GUCY1A1: variants seen among roughly 807,000 people sequenced by gnomAD.
GUCY1A1 encodes the protein guanylate cyclase soluble subunit alpha-1.
In GUCY1A1, 48 loss-of-function variants were observed where a neutral mutation model predicts 64.5. The ratio of observed to expected loss-of-function variants is 0.74; its 90% CI spans 0.59 to 0.95. The LOEUF is 0.95. Among genes scored for constraint, GUCY1A1 ranks in the 40% least tolerant of loss-of-function variants. The probability of loss-of-function intolerance (pLI) is 0.00; values close to 1 mark genes in which losing one functional copy is unlikely to be tolerated. For synonymous variants in GUCY1A1, 308 were observed against 303.4 expected (o/e 1.02, Z -0.16); for missense variants, 804 against 825.3 (o/e 0.97, Z 0.32).
At chr4:155,682,455 T>A (rs914612233) in intron 2 of GUCY1A1, among the ~76,000 whole-genome samples, 2 of 152,068 alleles carry the variant, frequency 1.3e-5, no homozygotes, top group African/African-American at 4.8e-5. Context: ...GCGGGGCGGA[T>A]CACGAGGTTA....
rs1002263733 is a variant in GUCY1A1, at chr4:155,730,434, C to A, written c.*203C>A. ...AGCTCTTCAAGAAAAAAAAAAAAAA[C>A]CTTAAAAAGCTACTTTTGTGGGAGT... On this transcript the variant is annotated 3_prime_UTR_variant, in exon 10 of 10. Coordinates refer to ENST00000506455, the MANE Select transcript of GUCY1A1 (RefSeq NM_001130682.3). 10 of 425,552 alleles carry A rather than the reference C, an allele frequency of 2.3e-5. No individual in the cohort carries two copies. Among genetic ancestry groups the A allele is most frequent in the Non-Finnish European group, 3.8e-5 (9 of 238,880 alleles). 26.4% of individuals were successfully genotyped at this position (425,552 alleles called of 1,614,324 possible). A position where few individuals can be genotyped will look rare whatever the true frequency, so the allele number is the denominator to read the frequency against.
rs1237846246 is a variant in GUCY1A1, at chr4:155,735,119, C to T, written c.*4888C>T. ...CAGTAATCACTGTACATTTGATTGC[C>T]ATCTGTACTTCCCTTGAAGCAGCTT... On this transcript the variant is annotated 3_prime_UTR_variant, in exon 10 of 10. Coordinates refer to ENST00000506455, the MANE Select transcript of GUCY1A1 (RefSeq NM_001130682.3). The T allele has an allele frequency of 6.6e-6, 1 of 151,864 alleles. No homozygotes were observed. The highest frequency in any genetic ancestry group is 1.5e-5 in the Non-Finnish European group (1 of 67,934). The allele number at this position is 151,864 out of a possible 1,614,324, so 9.4% of individuals were successfully genotyped here.
rs1249958684 is a variant in GUCY1A1 at position 155,698,097 on chromosome 4, T to C, written c.255+975T>C. Among the ~76,000 whole-genome samples, 2 of 152,172 alleles carry C rather than the reference T, an allele frequency of 1.3e-5. 1 individual carries two copies. Among genetic ancestry groups the C allele is most frequent in the South Asian group, 4.1e-4 (2 of 4,830 alleles). ...ACTGAAAGGAATTTAACAGATAATC[T>C]TGTTTCACTCCCAGGAAGTGCTAGG... On this transcript the variant is annotated intron_variant, in intron 3 of 9. Transcript: ENST00000506455.
rs1318631928 is a variant in GUCY1A1, at chr4:155,732,222, T to A, written c.*1991T>A. The A allele has an allele frequency of 6.6e-6, 1 of 151,904 alleles. No homozygotes were observed. Among genetic ancestry groups the A allele is most frequent in the Non-Finnish European group, 1.5e-5 (1 of 67,880 alleles). The allele number at this position is 151,904 out of a possible 1,614,324, so 9.4% of individuals were successfully genotyped here. A position where few individuals can be genotyped will look rare whatever the true frequency, so the allele number is the denominator to read the frequency against. ...TGTGTGTTTGTGATGTATTAGCATATACACAAAACAAATGAGGGGAATGTA... is the reference window on the plus strand; with the variant it reads ...TGTGTGTTTGTGATGTATTAGCATAAACACAAAACAAATGAGGGGAATGTA... On this transcript the variant is annotated 3_prime_UTR_variant, in exon 10 of 10. Coordinates refer to ENST00000506455, the MANE Select transcript of GUCY1A1 (RefSeq NM_001130682.3).
chr4:155,678,722 A>G (rs1265696388), intron 2 of GUCY1A1, among the ~76,000 whole-genome samples: 1 of 152,198 alleles, frequency 6.6e-6, no homozygotes, highest in African/African-American at 2.4e-5. Flanking sequence ...TGAATTACCC[A>G]AGTTTTGCTT....
intron 9 of GUCY1A1, among the ~76,000 whole-genome samples, chr4:155,724,106 C>T (rs1470876821): frequency 2.6e-5 from 4 of 152,092 alleles, no homozygotes. Context: ...CAGAGCTACC[C>T]CAGTACTCAT....
chr4:155,727,324 A>C (rs138486711), intron 9 of GUCY1A1, among the ~76,000 whole-genome samples: 43 of 152,048 alleles, frequency 2.8e-4, no homozygotes, highest in African/African-American at 9.6e-4. Context: ...ACTCCATAGC[A>C]TTCTAATTAT....
At position 155,697,109 on chromosome 4, in the gene GUCY1A1, T is replaced by A; in HGVS notation, c.242T>A (p.Leu81Gln). The A allele has an allele frequency of 6.2e-7, 1 of 1,613,224 alleles. No homozygotes were observed. The highest frequency in any genetic ancestry group is 8.5e-7 in the Non-Finnish European group (1 of 1,179,264). ...LHTLAESICK[L>Q]IFPEFERLNV... is the part of the protein sequence containing the mutation. ...ACTTTGGCAGAGAGTATTTGCAAAC[T>A]GATTTTCCCAGAGGTGAGTGCGTGC... is the stretch of plus-strand genomic sequence containing the variant. Residue 81 changes from leucine (L) to glutamine (Q), a missense_variant, in exon 3 of 10, where the codon CTG (leucine) becomes CAG (glutamine). Transcript: ENST00000506455.
At chr4:155,725,907 G>T (rs1230118568) in intron 9 of GUCY1A1, among the ~76,000 whole-genome samples, 1 of 151,838 alleles carries the variant, frequency 6.6e-6, no homozygotes, top group Non-Finnish European at 1.5e-5. Flanking sequence ...TATTACTGTG[G>T]TAACACATGC....
At chr4:155,702,616 A>G (rs556415001) in intron 3 of GUCY1A1, among the ~76,000 whole-genome samples, 1 of 152,290 alleles carries the variant, frequency 6.6e-6, no homozygotes, top group South Asian at 2.1e-4. Context: ...TGTGGCAGAT[A>G]GTATCCTTTC....
chr4:155,696,748 G>A lies in GUCY1A1; in HGVS notation c.-112-8G>A, dbSNP rs575850114. 7.7e-5 allele frequency: 67 copies of A among 874,228 alleles called. No individual in the cohort carries two copies. Among genetic ancestry groups the A allele is most frequent in the Admixed American group, 3.7e-4 (15 of 40,632 alleles). 54.2% of individuals were successfully genotyped at this position (874,228 alleles called of 1,614,324 possible). A position where few individuals can be genotyped will look rare whatever the true frequency, so the allele number is the denominator to read the frequency against. ...CCTCTTTCTGTTCTGACTTTTTGCT[G>A]TCCATAGACATCCCAGTTACCAGTG... is the stretch of plus-strand genomic sequence containing the variant. On this transcript the variant is annotated splice_region_variant and splice_polypyrimidine_tract_variant and intron_variant, in intron 2 of 9. Coordinates refer to ENST00000506455, the MANE Select transcript of GUCY1A1 (RefSeq NM_001130682.3).
chr4:155,687,397 T>C (rs976502266), intron 2 of GUCY1A1, among the ~76,000 whole-genome samples: 2 of 152,186 alleles, frequency 1.3e-5, no homozygotes, highest in African/African-American at 4.8e-5. Flanking sequence ...TATGGACCTA[T>C]GGATGCTAGG....
intron 9 of GUCY1A1, 32 bp downstream of exon 9, chr4:155,722,224 T>G: frequency 1.3e-6 from 2 of 1,597,906 alleles, no homozygotes; most frequent in Non-Finnish European, 1.7e-6. Context: ...TAAAATCTCT[T>G]GTTTTTATTT....
chr4:155,701,632 C>A (rs879486874), intron 3 of GUCY1A1, among the ~76,000 whole-genome samples: 1 of 151,914 alleles, frequency 6.6e-6, no homozygotes, highest in Non-Finnish European at 1.5e-5. Context: ...TTCTTTCTCC[C>A]TGGCCCACAA....
intron 2 of GUCY1A1, among the ~76,000 whole-genome samples, chr4:155,685,603 GTTTTTT>G (rs70954055): frequency 9.2e-6 from 1 of 108,906 alleles, no homozygotes; most frequent in East Asian, 3.4e-4. Flanking sequence ...TTCTCCTTGT[GTTTTTT>G]TTTTTTTTTT....
At chr4:155,682,473 G>A (rs527294058) in intron 2 of GUCY1A1, among the ~76,000 whole-genome samples, 1 of 152,016 alleles carries the variant, frequency 6.6e-6, no homozygotes, top group South Asian at 2.1e-4. Context: ...TTAGGAGTTC[G>A]AGCCTGACCA....
At chr4:155,679,414 A>T (rs1458846742) in intron 2 of GUCY1A1, among the ~76,000 whole-genome samples, 1 of 152,220 alleles carries the variant, frequency 6.6e-6, no homozygotes, top group African/African-American at 2.4e-5. Flanking sequence ...TGGCACCAGC[A>T]TTTGCTTCTA....
intron 9 of GUCY1A1, among the ~76,000 whole-genome samples, chr4:155,726,114 A>T (rs1734629551): frequency 6.6e-6 from 1 of 151,936 alleles, no homozygotes; most frequent in Non-Finnish European, 1.5e-5. Flanking sequence ...AGTCATTTCT[A>T]CTTTTTATAG....
In GUCY1A1 at chr4:155,731,964, A is replaced by T. The variant is rs746443171; in HGVS notation, c.*1733A>T. On this transcript the variant is annotated 3_prime_UTR_variant, in exon 10 of 10. Transcript: ENST00000506455. ...AAAGTGCCATAGGCCTTGAGAAAGT[A>T]TAGTTACATCCTCACAAATATATGA... is the stretch of plus-strand genomic sequence containing the variant. The T allele has an allele frequency of 6.6e-6, 1 of 151,832 alleles. No homozygotes were observed. The highest frequency in any genetic ancestry group is 2.4e-5 in the African/African-American group (1 of 41,380). The allele number at this position is 151,832 out of a possible 1,614,324, so 9.4% of individuals were successfully genotyped here.
Sources: allele counts gnomAD v4.1 joint callset (sites outside exome capture counted in the v4.1 genomes callset), GRCh38; gene constraint gnomAD v4.1.1; transcripts MANE v1.5; gene names NCBI Gene and HGNC (gene_info 2026-07-23, HGNC 2026-07-21).